The following DOCK3 variants were observed in gnomAD, a reference collection of about 807,000 sequenced individuals.
DOCK3 encodes the protein dedicator of cytokinesis 3.
Under a neutral mutation model 265.6 loss-of-function variants are expected in DOCK3, and 60 were observed. The observed-to-expected ratio is 0.23, with a 90% confidence interval of 0.18 to 0.28. DOCK3 has a LOEUF of 0.28. DOCK3 is among the 10% of genes least tolerant of loss of function. The pLI is 1.00. For synonymous variants in DOCK3, 881 were observed against 938.0 expected (o/e 0.94, Z 1.11); for missense variants, 1,981 against 2,594.3 (o/e 0.76, Z 5.14).
At chr3:50,888,742 G>C (rs928465775) in intron 3 of DOCK3, among the ~76,000 whole-genome samples, 8 of 152,022 alleles carry the variant, frequency 5.3e-5, no homozygotes, top group South Asian at 2.1e-4. Context: ...ACAAACCTGA[G>C]AAAAACAAGC....
At chr3:51,293,898 G>A (rs2081927454) in intron 27 of DOCK3, among the ~76,000 whole-genome samples, 1 of 152,198 alleles carries the variant, frequency 6.6e-6, no homozygotes, top group Non-Finnish European at 1.5e-5. Context: ...ACCACAGTGA[G>A]ATATCACGTC....
In DOCK3 at chr3:50,751,785, C is replaced by T. The variant is rs530886993; in HGVS notation, c.38-26890C>T. ...TCACAGTTCCACATGGCTGGGGAGG[C>T]CTTAGGAAACTTACAGTCATGGTGG... On this transcript the variant is annotated intron_variant, in intron 1 of 52. Transcript: ENST00000266037. 3.3e-5 allele frequency among the ~76,000 whole-genome samples: 5 copies of T among 152,130 alleles called. No homozygotes were observed. The South Asian group carries it at 1.0e-3, about 32-fold the overall frequency.
In DOCK3 at chr3:50,951,834, C is replaced by T. The variant is rs1001945668; in HGVS notation, c.315+17757C>T. Among the ~76,000 whole-genome samples the T allele has an allele frequency of 3.9e-5, 6 of 152,016 alleles. No homozygotes were observed. The South Asian group carries it at 1.0e-3, about 26-fold the overall frequency. ...TAAGACCTCACTACTTTCATGATGG[C>T]GTAATGCACTTGATTTCATTTAACT... On this transcript the variant is annotated intron_variant, in intron 5 of 52. Coordinates refer to ENST00000266037, the MANE Select transcript of DOCK3 (RefSeq NM_004947.5).
intron 52 of DOCK3, among the ~76,000 whole-genome samples, chr3:51,380,622 TCCTA>T (rs1264543833): frequency 1.2e-4 from 19 of 152,338 alleles, no homozygotes; most frequent in African/African-American, 4.3e-4. Context: ...GAGTAAAATT[TCCTA>T]CCTGTTAGCT....
intron 10 of DOCK3, among the ~76,000 whole-genome samples, chr3:51,151,615 T>C (rs1015349589): frequency 2.0e-5 from 3 of 152,228 alleles, no homozygotes; most frequent in African/African-American, 4.8e-5. Context: ...ATTTGGCATG[T>C]TTTTGCAGTG....
At chr3:50,710,102 G>C (rs759283085) in intron 1 of DOCK3, among the ~76,000 whole-genome samples, 26 of 152,016 alleles carry the variant, frequency 1.7e-4, no homozygotes, top group Non-Finnish European at 3.7e-4. Context: ...CTAAACATTG[G>C]CTTAGGCAGA....
intron 14 of DOCK3, among the ~76,000 whole-genome samples, chr3:51,219,980 A>G (rs1327543268): frequency 1.3e-5 from 2 of 152,208 alleles, no homozygotes; most frequent in African/African-American, 4.8e-5. Flanking sequence ...AGCATCACTG[A>G]CTTTGTTGCA....
chr3:51,360,751 A>G, intron 47 of DOCK3, 119 bp downstream of exon 47: 1 of 1,378,124 alleles, frequency 7.3e-7, no homozygotes, highest in South Asian at 1.4e-5. Flanking sequence ...CACAGCAAAC[A>G]CTTATGTGGC....
chr3:50,759,850 A>G (rs1195012497), intron 1 of DOCK3, among the ~76,000 whole-genome samples: 2 of 31,580 alleles, frequency 6.3e-5, no homozygotes, highest in Non-Finnish European at 1.8e-4. Context: ...CGAGTGAGAT[A>G]TTATTAAAAA....
chr3:50,742,890 A>G (rs1187952939), intron 1 of DOCK3, among the ~76,000 whole-genome samples: 2 of 152,200 alleles, frequency 1.3e-5, no homozygotes, highest in East Asian at 1.9e-4. Context: ...AAGACACATA[A>G]TTGTCAGATT....
At chr3:50,906,294 G>A (rs1215114930) in intron 4 of DOCK3, among the ~76,000 whole-genome samples, 1 of 152,030 alleles carries the variant, frequency 6.6e-6, no homozygotes, top group African/African-American at 2.4e-5. Flanking sequence ...AGTTAGGGAG[G>A]ATTCTGTCTT....
Position 51,238,176 on chromosome 3 carries a change from T to A in DOCK3, c.2102+586T>A, listed in dbSNP as rs1296629338. The stretch of plus-strand genomic sequence containing the variant: ...TTTTTTTTTTGAGATGGAGTCTTGC[T>A]CTGTCACCCAGGCTGGAGTGCAGTG... On this transcript the variant is annotated intron_variant, in intron 21 of 52. Transcript: ENST00000266037. 4.4e-5 allele frequency among the ~76,000 whole-genome samples: 5 copies of A among 113,114 alleles called. No individual in the cohort carries two copies. In the Admixed American group the frequency reaches 6.8e-4, roughly 15 times the overall value. The allele number at this position is 113,114 out of a possible 152,430, so 74.2% of individuals were successfully genotyped here.
intron 19 of DOCK3, among the ~76,000 whole-genome samples, chr3:51,234,517 A>AT (rs1194082943): frequency 1.3e-5 from 2 of 151,918 alleles, no homozygotes; most frequent in Admixed American, 6.6e-5. Flanking sequence ...ATACTTTGGG[A>AT]TTTTTTTGTT....
At chr3:51,094,515 C>A (rs111954541) in intron 9 of DOCK3, among the ~76,000 whole-genome samples, 13 of 151,762 alleles carry the variant, frequency 8.6e-5, no homozygotes, top group Admixed American at 8.5e-4. Context: ...GTGGTGATAT[C>A]CCCTTTATCA....
intron 5 of DOCK3, among the ~76,000 whole-genome samples, chr3:51,035,829 C>G (rs1425411447): frequency 2.0e-5 from 3 of 152,146 alleles, no homozygotes; most frequent in Non-Finnish European, 4.4e-5. Context: ...AAACTGCTTT[C>G]AGTTTGCTCT....
chr3:51,148,589 T>C (rs534176918), intron 10 of DOCK3, among the ~76,000 whole-genome samples: 3 of 152,376 alleles, frequency 2.0e-5, no homozygotes, highest in African/African-American at 7.2e-5. Flanking sequence ...GCACCATTTA[T>C]TACATAGGGA....
At chr3:50,752,821 G>C (rs116158595) in intron 1 of DOCK3, among the ~76,000 whole-genome samples, 2,902 of 152,224 alleles carry the variant, frequency 0.019, 104 homozygotes, top group African/African-American at 0.066. Context: ...TTAAGTGGAG[G>C]CAGTCATTAA....
chr3:51,119,220 A>T (rs1216693901), intron 9 of DOCK3, among the ~76,000 whole-genome samples: 1 of 152,138 alleles, frequency 6.6e-6, no homozygotes, highest in Admixed American at 6.6e-5. Flanking sequence ...TCCTTCACTT[A>T]TGAAGCTTAG....
intron 9 of DOCK3, among the ~76,000 whole-genome samples, chr3:51,094,206 C>T (rs1453737661): frequency 6.6e-6 from 1 of 152,182 alleles, no homozygotes; most frequent in Admixed American, 6.5e-5. Context: ...GGATGATTCC[C>T]TCTTTTTCTG....
Sources: gnomAD v4.1 joint callset for allele counts (sites outside exome capture counted in the v4.1 genomes callset) on GRCh38, gnomAD v4.1.1 for gene constraint, MANE v1.5 for transcripts, NCBI Gene and HGNC (gene_info 2026-07-23, HGNC 2026-07-21) for gene names.